The following NCKAP5 variants were observed in gnomAD, a reference collection of about 807,000 sequenced individuals.
NCKAP5 encodes the protein nck-associated protein 5.
Under a neutral mutation model 167.0 loss-of-function variants are expected in NCKAP5, and 92 were observed. That is an observed-to-expected ratio of 0.55 (90% confidence interval 0.47 to 0.66). The LOEUF (loss-of-function observed/expected upper bound fraction) is 0.66. Ranked by LOEUF, NCKAP5 falls within the 30% of genes least tolerant of loss-of-function variation. NCKAP5 has a pLI of 0.00. For missense variants in NCKAP5, 2,378 were observed against 2,315.0 expected (o/e 1.03, Z -0.56); for synonymous variants, 891 against 877.4 (o/e 1.02, Z -0.27).
At chr2:132,954,590 A>C in intron 8 of NCKAP5, 1 of 448,790 alleles carries the variant, frequency 2.2e-6, no homozygotes, top group East Asian at 7.0e-5. Flanking sequence ...CCATTGAATA[A>C]ATTTCTACAT....
At chr2:132,769,901 A>G (rs1257823587) in intron 16 of NCKAP5, among the ~76,000 whole-genome samples, 1 of 152,230 alleles carries the variant, frequency 6.6e-6, no homozygotes, top group Non-Finnish European at 1.5e-5. Context: ...CATGAGGACA[A>G]AAAGCTAGCA....
rs181008238 is a variant in NCKAP5 at position 133,238,673 on chromosome 2, T to C, written c.144-24894A>G. ...CATTCCAGAGCAAAGCATTCTTTAT[T>C]TATAAATGAAAGGGCTCAGCAGTAG... is the stretch of plus-strand genomic sequence containing the variant. On this transcript the variant is annotated intron_variant, in intron 4 of 19. Coordinates refer to ENST00000409261, the MANE Select transcript of NCKAP5 (RefSeq NM_207363.3). Among the ~76,000 whole-genome samples the C allele has an allele frequency of 2.4e-3, 361 of 152,328 alleles. 9 individuals carry two copies. The highest frequency in any genetic ancestry group is 0.017 in the Admixed American group (266 of 15,296).
At chr2:133,633,109 A>C in the NCKAP5 span, among the ~76,000 whole-genome samples, 1 of 152,140 alleles carries the variant, frequency 6.6e-6, no homozygotes, top group East Asian at 1.9e-4. Context: ...AGAATGTGCA[A>C]ACTAGTGAAC....
At chr2:133,053,604 C>T (rs925786727) in intron 6 of NCKAP5, among the ~76,000 whole-genome samples, 3 of 152,182 alleles carry the variant, frequency 2.0e-5, no homozygotes, top group African/African-American at 7.2e-5. Context: ...CTGTGCCATG[C>T]ATGGCCATGC....
intron 3 of NCKAP5, among the ~76,000 whole-genome samples, chr2:133,501,413 C>T (rs146542006): frequency 9.9e-4 from 150 of 152,254 alleles, no homozygotes; most frequent in African/African-American, 3.4e-3. Flanking sequence ...CCTGTTGATT[C>T]AATCTAGGGA....
intron 8 of NCKAP5, among the ~76,000 whole-genome samples, chr2:132,921,002 C>T (rs1324620104): frequency 1.3e-5 from 2 of 151,198 alleles, no homozygotes; most frequent in Non-Finnish European, 2.9e-5. Flanking sequence ...CATCAACTCC[C>T]AGCCCACTAG....
the NCKAP5 span, among the ~76,000 whole-genome samples, chr2:133,638,049 T>C: frequency 6.6e-6 from 1 of 152,302 alleles, no homozygotes; most frequent in South Asian, 2.1e-4. Flanking sequence ...AGCAGATCTC[T>C]CAAAAGCCAT....
At chr2:133,667,528 T>A in the NCKAP5 span, among the ~76,000 whole-genome samples, 5 of 151,986 alleles carry the variant, frequency 3.3e-5, no homozygotes, top group Non-Finnish European at 7.3e-5. Flanking sequence ...TGATTCCCTA[T>A]CCTAACTAAA....
At chr2:132,920,757 G>A (rs947913055) in intron 8 of NCKAP5, among the ~76,000 whole-genome samples, 36 of 31,058 alleles carry the variant, frequency 1.2e-3, no homozygotes, top group Middle Eastern at 0.022. Context: ...ATATATATAT[G>A]TATATATATG....
intron 3 of NCKAP5, among the ~76,000 whole-genome samples, chr2:133,374,073 G>A (rs1051909670): frequency 2.0e-5 from 3 of 152,204 alleles, no homozygotes; most frequent in Admixed American, 1.3e-4. Context: ...GTTTACAGCA[G>A]CTTTATTCAT....
chr2:133,104,488 G>A (rs2081618084), intron 6 of NCKAP5, among the ~76,000 whole-genome samples: 1 of 152,212 alleles, frequency 6.6e-6, no homozygotes, highest in Non-Finnish European at 1.5e-5. Context: ...AATCTTGACT[G>A]TGCAAACTGT....
chr2:133,425,071 T>C (rs940486088), intron 3 of NCKAP5, among the ~76,000 whole-genome samples: 5 of 152,220 alleles, frequency 3.3e-5, no homozygotes, highest in African/African-American at 1.2e-4. Context: ...CCTTGTTGGA[T>C]GCCAGGGCCC....
At chr2:133,330,075 TTTTTTTTC>T (rs1304918735) in intron 3 of NCKAP5, among the ~76,000 whole-genome samples, 3 of 128,648 alleles carry the variant, frequency 2.3e-5, no homozygotes, top group African/African-American at 6.3e-5. Flanking sequence ...TTTTTTTTTT[TTTTTTTTC>T]TGAGACAGGG....
chr2:133,510,654 A>G (rs1683412823), intron 3 of NCKAP5, among the ~76,000 whole-genome samples: 1 of 152,232 alleles, frequency 6.6e-6, no homozygotes, highest in Non-Finnish European at 1.5e-5. Flanking sequence ...GCTAATGCAC[A>G]TGGTCTAGTC....
chr2:132,840,871 A>T (rs1688249422), intron 11 of NCKAP5, among the ~76,000 whole-genome samples: 1 of 152,144 alleles, frequency 6.6e-6, no homozygotes, highest in Non-Finnish European at 1.5e-5. Context: ...AAATTGTCAC[A>T]AATCTCCAAA....
At chr2:132,732,224 T>C (rs547321532) in intron 16 of NCKAP5, among the ~76,000 whole-genome samples, 173 bp from the exon 17 acceptor site, 18 of 140,858 alleles carry the variant, frequency 1.3e-4, no homozygotes, top group Non-Finnish European at 2.4e-4. Context: ...TTCTCACTCA[T>C]AGGTGGGAAT....
At chr2:133,097,591 G>C (rs1387937323) in intron 6 of NCKAP5, among the ~76,000 whole-genome samples, 1 of 152,180 alleles carries the variant, frequency 6.6e-6, no homozygotes, top group Non-Finnish European at 1.5e-5. Context: ...AGAAAGAAAG[G>C]AAAATGCAAG....
intron 8 of NCKAP5, among the ~76,000 whole-genome samples, chr2:132,936,120 T>C (rs1422677554): frequency 6.6e-6 from 1 of 152,058 alleles, no homozygotes; most frequent in Admixed American, 6.5e-5. Flanking sequence ...TAACTGGGAT[T>C]ACAGGCGCTC....
At chr2:133,308,213 C>A (rs1193044393) in intron 3 of NCKAP5, among the ~76,000 whole-genome samples, 1 of 150,858 alleles carries the variant, frequency 6.6e-6, no homozygotes, top group Non-Finnish European at 1.5e-5. Context: ...CTCAGCCTCC[C>A]GAGTAGCTGG....
Sources: gnomAD v4.1 joint callset for allele counts (sites outside exome capture counted in the v4.1 genomes callset) on GRCh38, gnomAD v4.1.1 for gene constraint, MANE v1.5 for transcripts, NCBI Gene and HGNC (gene_info 2026-07-23, HGNC 2026-07-21) for gene names.